The following PHF20 variants were observed in gnomAD, a reference collection of about 807,000 sequenced individuals.
PHF20 encodes the protein PHD finger protein 20, also known as glioma-expressed antigen 2.
A neutral mutation model predicts 113.5 loss-of-function variants in PHF20; 23 were observed. That is an observed-to-expected ratio of 0.20 (90% CI 0.15 to 0.29). PHF20 has a LOEUF of 0.29. PHF20 is among the 10% of genes least tolerant of loss of function. The pLI, the probability that PHF20 is intolerant of heterozygous loss-of-function variation, is 1.00. For synonymous variants in PHF20, 434 were observed against 457.3 expected (o/e 0.95, Z 0.65); for missense variants, 943 against 1,219.6 (o/e 0.77, Z 3.38).
At chr20:35,908,321 C>T (rs2055237302) in intron 10 of PHF20, among the ~76,000 whole-genome samples, 2 of 152,192 alleles carry the variant, frequency 1.3e-5, no homozygotes, top group South Asian at 4.1e-4. Flanking sequence ...TGTGTCTTTT[C>T]TAGGGCCTGC....
chr20:35,824,117 T>C (rs1415545276), intron 2 of PHF20, among the ~76,000 whole-genome samples: 1 of 152,158 alleles, frequency 6.6e-6, no homozygotes, highest in Non-Finnish European at 1.5e-5. Context: ...TGTAAGTGTA[T>C]GTTTAACCAG....
chr20:35,808,733 T>C (rs1037300022), intron 2 of PHF20, among the ~76,000 whole-genome samples: 4 of 151,648 alleles, frequency 2.6e-5, no homozygotes, highest in South Asian at 2.1e-4. Context: ...CCACCACGCC[T>C]GGCTAATTTT....
At chr20:35,933,530 G>A (rs1486029839) in intron 15 of PHF20, among the ~76,000 whole-genome samples, 4 of 151,938 alleles carry the variant, frequency 2.6e-5, no homozygotes, top group Non-Finnish European at 4.4e-5. Context: ...CCGAGTAGCT[G>A]GGACTACAGG....
chr20:35,847,374 C>A lies in PHF20; in HGVS notation c.280C>A (p.Leu94Ile). ...GGAATTTCAAATAAATGAGCAGGTC[C>A]TTGCTTGCTGGTCTGATTGTCGTTT... ...SSEFQINEQV[L>I]ACWSDCRFYP... The change falls in exon 4 of 18, where the codon CTT (leucine) becomes ATT (isoleucine). Residue 94 changes from leucine to isoleucine, a missense_variant. Physicochemically the swap from Leu to Ile is conservative, Grantham distance 5. Around this residue, in one of 3 missense-constraint regions of PHF20, gnomAD observed 592 missense variants for 787.2 expected, o/e 0.75. Coordinates refer to ENST00000374012, the MANE Select transcript of PHF20 (RefSeq NM_016436.5). 6.2e-7 allele frequency: 1 copy of A among 1,609,384 alleles called. No individual in the cohort carries two copies. Among genetic ancestry groups the A allele is most frequent in the Non-Finnish European group, 8.5e-7 (1 of 1,177,598 alleles).
chr20:35,780,092 A>C (rs2041255289), intron 1 of PHF20, among the ~76,000 whole-genome samples: 1 of 152,054 alleles, frequency 6.6e-6, no homozygotes, highest in Admixed American at 6.6e-5. Context: ...CAGTGCTCTT[A>C]CATCCCTCTC....
intron 10 of PHF20, among the ~76,000 whole-genome samples, chr20:35,900,901 T>A (rs1299801319): frequency 6.6e-6 from 1 of 152,084 alleles, no homozygotes; most frequent in African/African-American, 2.4e-5. Flanking sequence ...TATATAAAGT[T>A]CAAAAATGAG....
intron 2 of PHF20, chr20:35,801,837 G>A (rs1188340737): frequency 2.9e-6 from 1 of 340,024 alleles, no homozygotes; most frequent in Non-Finnish European, 5.5e-6. Context: ...ATCTGAAAGA[G>A]TTCTGGGAAA....
chr20:35,776,947 T>G (rs1235468579), intron 1 of PHF20, among the ~76,000 whole-genome samples: 1 of 152,228 alleles, frequency 6.6e-6, no homozygotes, highest in Non-Finnish European at 1.5e-5. Context: ...CAGATCTGAT[T>G]TCTTTCATGT....
intron 10 of PHF20, among the ~76,000 whole-genome samples, chr20:35,904,871 G>T (rs1340100964): frequency 1.3e-5 from 2 of 149,480 alleles, no homozygotes; most frequent in Non-Finnish European, 3.0e-5. Flanking sequence ...TGTTGCCCAG[G>T]CTGGAGTGCA....
At chr20:35,839,919 G>A (rs1451508731) in intron 2 of PHF20, among the ~76,000 whole-genome samples, 1 of 152,122 alleles carries the variant, frequency 6.6e-6, no homozygotes, top group Non-Finnish European at 1.5e-5. Flanking sequence ...TAAGAGGAGT[G>A]GAATTCATTT....
chr20:35,774,545 G>A (rs768686222), intron 1 of PHF20: 3 of 152,276 alleles, frequency 2.0e-5, no homozygotes, highest in Non-Finnish European at 2.9e-5. Context: ...TCCACAGCTG[G>A]AATTCCAAGT....
At chr20:35,829,995 C>T (rs991559935) in intron 2 of PHF20, among the ~76,000 whole-genome samples, 4 of 152,032 alleles carry the variant, frequency 2.6e-5, no homozygotes, top group African/African-American at 4.8e-5. Context: ...CTCACTGCAA[C>T]GTCTGCCTCC....
intron 2 of PHF20, among the ~76,000 whole-genome samples, chr20:35,834,100 T>G (rs1345448980): frequency 6.6e-6 from 1 of 150,940 alleles, no homozygotes. Context: ...GCGGGAGGGT[T>G]TATTCAAGTG....
At chr20:35,781,692 C>T (rs2041300407) in intron 1 of PHF20, among the ~76,000 whole-genome samples, 1 of 152,150 alleles carries the variant, frequency 6.6e-6, no homozygotes. Flanking sequence ...TGCCTGTAAT[C>T]CCAGCACTTC....
At position 35,797,831 on chromosome 20, in the gene PHF20, T is replaced by C. The variant is rs551659772; in HGVS notation, c.-32-3660T>C. 2.9e-4 allele frequency among the ~76,000 whole-genome samples: 44 copies of C among 151,984 alleles called. No homozygotes were observed. The South Asian group carries it at 9.2e-3, about 32-fold the overall frequency. On this transcript the variant is annotated intron_variant, in intron 1 of 17. Transcript: ENST00000374012. The stretch of plus-strand genomic sequence containing the variant: ...CATGCCCGGCTAATTTTTGTATTTT[T>C]AGTAGAGACGGGGTTTCACCATGTT...
intron 15 of PHF20, among the ~76,000 whole-genome samples, chr20:35,935,522 G>A (rs567717307): frequency 1.1e-4 from 16 of 152,232 alleles, no homozygotes; most frequent in African/African-American, 3.6e-4. Context: ...ATGTACCACC[G>A]CACCTGGCTA....
chr20:35,900,359 T>C (rs1344974761), intron 10 of PHF20, among the ~76,000 whole-genome samples: 2 of 152,180 alleles, frequency 1.3e-5, no homozygotes, highest in Non-Finnish European at 2.9e-5. Flanking sequence ...TCTATTAAAA[T>C]GTGTAGGTCT....
chr20:35,911,332 G>A (rs930464229), intron 10 of PHF20, among the ~76,000 whole-genome samples: 7 of 152,224 alleles, frequency 4.6e-5, no homozygotes, highest in Non-Finnish European at 7.3e-5. Flanking sequence ...ATGAGCCACT[G>A]CGCCCGGCCT....
At chr20:35,839,024 A>G (rs1377953849) in intron 2 of PHF20, among the ~76,000 whole-genome samples, 1 of 151,392 alleles carries the variant, frequency 6.6e-6, no homozygotes, top group East Asian at 1.9e-4. Flanking sequence ...ATTTCCGTGT[A>G]AAGAAAATTT....
Sources: gnomAD v4.1 joint callset for allele counts (sites outside exome capture counted in the v4.1 genomes callset) on GRCh38, gnomAD v4.1.1 for gene constraint, gnomAD v4.1.1 regional missense constraint, MANE v1.5 for transcripts, NCBI Gene and HGNC (gene_info 2026-07-23, HGNC 2026-07-21) for gene names.